CACNB4: variants seen among roughly 807,000 people sequenced by gnomAD.
The protein encoded by CACNB4 is voltage-dependent L-type calcium channel subunit beta-4.
A neutral mutation model predicts 71.2 loss-of-function variants in CACNB4; 32 were observed. The ratio of observed to expected loss-of-function variants is 0.45; its 90% CI spans 0.34 to 0.60. CACNB4 has a LOEUF of 0.60. Among genes scored for constraint, CACNB4 ranks in the 20% least tolerant of loss-of-function variants. The pLI is 0.01. For synonymous variants in CACNB4, 231 were observed against 236.9 expected (o/e 0.97, Z 0.23); for missense variants, 464 against 647.9 (o/e 0.72, Z 3.08).
chr2:151,897,968 C>T (rs1325341667), intron 2 of CACNB4, among the ~76,000 whole-genome samples: 1 of 151,926 alleles, frequency 6.6e-6, no homozygotes, highest in Non-Finnish European at 1.5e-5. Context: ...TCCCTCTCTT[C>T]AAAAAGGGAT....
chr2:152,098,549 C>T lies in CACNB4; in HGVS notation c.64-136G>A. 7.3e-7 allele frequency: 1 copy of T among 1,374,522 alleles called. No homozygotes were observed. The highest frequency in any genetic ancestry group is 1.2e-5 in the South Asian group (1 of 82,076). The allele number at this position is 1,374,522 out of a possible 1,614,324, so 85.1% of individuals were successfully genotyped here. A position where few individuals can be genotyped will look rare whatever the true frequency, so the allele number is the denominator to read the frequency against. Reference sequence around the variant, plus strand: ...AGAGCCCGCACCCAAGTCTCCTCCGCGACTCCCAAATACAGCCCCCACCCC... The same window carrying T: ...AGAGCCCGCACCCAAGTCTCCTCCGTGACTCCCAAATACAGCCCCCACCCC... On this transcript the variant is annotated intron_variant, in intron 1 of 13. Coordinates refer to ENST00000539935, the MANE Select transcript of CACNB4 (RefSeq NM_000726.5). The surrounding 1 kb of genome is among the most constrained non-coding windows in gnomAD (Gnocchi z 5.3).
chr2:151,850,521 G>A (rs543069876), intron 12 of CACNB4: 7 of 152,284 alleles, frequency 4.6e-5, no homozygotes, highest in African/African-American at 1.7e-4. Context: ...CTAGGAGAAA[G>A]AGATCTTAAG....
intron 2 of CACNB4, among the ~76,000 whole-genome samples, chr2:152,052,199 G>A (rs1685470336): frequency 6.6e-6 from 1 of 152,212 alleles, no homozygotes; most frequent in African/African-American, 2.4e-5. Flanking sequence ...CTACAGGTGG[G>A]CAAAATCATT....
intron 2 of CACNB4, among the ~76,000 whole-genome samples, chr2:151,988,180 GA>G (rs1681478582): frequency 6.6e-6 from 1 of 151,668 alleles, no homozygotes; most frequent in South Asian, 2.1e-4. Flanking sequence ...TTTTTCTAAA[GA>G]AAAGTCAAAG....
intron 2 of CACNB4, among the ~76,000 whole-genome samples, chr2:151,999,131 C>A (rs1016653562): frequency 6.6e-6 from 1 of 152,140 alleles, no homozygotes; most frequent in Non-Finnish European, 1.5e-5. Flanking sequence ...AATTAATTAT[C>A]CAGACAATCA....
chr2:152,012,302 CT>C (rs2105070587), intron 2 of CACNB4, among the ~76,000 whole-genome samples: 1 of 152,096 alleles, frequency 6.6e-6, no homozygotes, highest in African/African-American at 2.4e-5. Context: ...AATGTGCATG[CT>C]TGTGTGTTAG....
chr2:152,058,775 A>G (rs1685854525), intron 2 of CACNB4, among the ~76,000 whole-genome samples: 2 of 152,372 alleles, frequency 1.3e-5, no homozygotes, highest in Non-Finnish European at 2.9e-5. Flanking sequence ...CAGAATGTGG[A>G]AAATGTCTCC....
chr2:152,041,718 A>T (rs530779333), intron 2 of CACNB4, among the ~76,000 whole-genome samples: 57 of 152,308 alleles, frequency 3.7e-4, no homozygotes, highest in East Asian at 2.3e-3. Flanking sequence ...AAACTGAATT[A>T]AAAAAACGGC....
At chr2:152,090,774 G>T (rs1687926133) in intron 2 of CACNB4, among the ~76,000 whole-genome samples, 1 of 152,080 alleles carries the variant, frequency 6.6e-6, no homozygotes, top group Admixed American at 6.5e-5. Flanking sequence ...GGTTGGGCAT[G>T]ATGGCTCACA....
At chr2:151,957,637 A>G (rs1258061431) in intron 2 of CACNB4, among the ~76,000 whole-genome samples, 1 of 152,218 alleles carries the variant, frequency 6.6e-6, no homozygotes, top group African/African-American at 2.4e-5. Flanking sequence ...GTATTTCTCA[A>G]AGAATTTACA....
intron 2 of CACNB4, among the ~76,000 whole-genome samples, chr2:151,941,981 G>A (rs756899775): frequency 2.6e-5 from 4 of 152,212 alleles, no homozygotes; most frequent in Non-Finnish European, 5.9e-5. Flanking sequence ...TGGAGGGGAT[G>A]CTAGGCAGCA....
intron 4 of CACNB4, among the ~76,000 whole-genome samples, chr2:151,877,695 T>G (rs2099846795): frequency 6.6e-6 from 1 of 152,196 alleles, no homozygotes; most frequent in Non-Finnish European, 1.5e-5. Flanking sequence ...TGCCTACACT[T>G]ACAAAGTCTG....
intron 2 of CACNB4, among the ~76,000 whole-genome samples, chr2:151,994,974 AAT>A (rs1321954002): frequency 1.3e-5 from 2 of 152,162 alleles, no homozygotes; most frequent in Non-Finnish European, 2.9e-5. Context: ...CCCAAGTGAA[AAT>A]AGAAATTAAA....
intron 2 of CACNB4, among the ~76,000 whole-genome samples, chr2:151,904,947 G>T (rs1411826122): frequency 6.6e-6 from 1 of 152,108 alleles, no homozygotes; most frequent in Non-Finnish European, 1.5e-5. Flanking sequence ...ATGCACTATT[G>T]GGCAGTGAAA....
At chr2:152,065,472 C>G (rs1482011616) in intron 2 of CACNB4, among the ~76,000 whole-genome samples, 1 of 151,802 alleles carries the variant, frequency 6.6e-6, no homozygotes, top group Non-Finnish European at 1.5e-5. Flanking sequence ...CTGCTAAAGT[C>G]ACATGGATCA....
At chr2:152,017,713 C>CA (rs564691685) in intron 2 of CACNB4, among the ~76,000 whole-genome samples, 14,460 of 144,764 alleles carry the variant, frequency 0.1, 802 homozygotes, top group African/African-American at 0.17. Context: ...GTCTCAACAA[C>CA]AAAAAAAAAA....
At chr2:152,016,435 T>C (rs1172127902) in intron 2 of CACNB4, among the ~76,000 whole-genome samples, 1 of 152,210 alleles carries the variant, frequency 6.6e-6, no homozygotes, top group Non-Finnish European at 1.5e-5. Context: ...CTGTATAATT[T>C]GATGCACACA....
chr2:152,018,663 C>T (rs1050753043), intron 2 of CACNB4, among the ~76,000 whole-genome samples: 6 of 152,034 alleles, frequency 3.9e-5, no homozygotes, highest in African/African-American at 7.2e-5. Flanking sequence ...ATTATCTGAG[C>T]GTGGTGGCAA....
At chr2:151,999,391 T>A (rs751073533) in intron 2 of CACNB4, among the ~76,000 whole-genome samples, 11 of 152,082 alleles carry the variant, frequency 7.2e-5, no homozygotes, top group Non-Finnish European at 1.5e-4. Context: ...TTTTTTTTCT[T>A]CTTATACCCT....
Sources: gnomAD v4.1 joint callset for allele counts (sites outside exome capture counted in the v4.1 genomes callset) on GRCh38, gnomAD v4.1.1 for gene constraint, Gnocchi (gnomAD v3.1) non-coding constraint, MANE v1.5 for transcripts, NCBI Gene and HGNC (gene_info 2026-07-23, HGNC 2026-07-21) for gene names.